ZNF407: variants seen among roughly 807,000 people sequenced by gnomAD.
ZNF407 encodes the protein zinc finger protein 407.
A neutral mutation model predicts 131.2 loss-of-function variants in ZNF407; 17 were observed. The observed-to-expected ratio is 0.13, with a 90% confidence interval of 0.09 to 0.19. ZNF407 has a LOEUF of 0.19. Ranked by LOEUF, ZNF407 falls within the 10% of genes least tolerant of loss-of-function variation. The probability of loss-of-function intolerance (pLI) is 1.00; values close to 1 mark genes in which losing one functional copy is unlikely to be tolerated. For missense variants in ZNF407, 2,681 were observed against 2,830.6 expected (o/e 0.95, Z 1.20); for synonymous variants, 1,156 against 1,062.0 (o/e 1.09, Z -1.72).
At chr18:74,814,996 A>T in intron 4 of ZNF407, among the ~76,000 whole-genome samples, 1 of 152,006 alleles carries the variant, frequency 6.6e-6, no homozygotes, top group African/African-American at 2.4e-5. Context: ...AAAATTTTAC[A>T]ATGTAAAATT....
At chr18:74,862,585 G>T (rs754047028) in intron 4 of ZNF407, among the ~76,000 whole-genome samples, 1 of 152,108 alleles carries the variant, frequency 6.6e-6, no homozygotes, top group Non-Finnish European at 1.5e-5. Flanking sequence ...GTACTGTATC[G>T]AAGTTATTTA....
chr18:74,628,527 T>A (rs1000932569), intron 1 of ZNF407, among the ~76,000 whole-genome samples: 2 of 152,208 alleles, frequency 1.3e-5, no homozygotes, highest in Non-Finnish European at 2.9e-5. Context: ...CTTGGCATAA[T>A]GTTTCTAAGG....
At chr18:74,638,345 T>A (rs1022894559) in intron 2 of ZNF407, among the ~76,000 whole-genome samples, 4 of 151,956 alleles carry the variant, frequency 2.6e-5, no homozygotes, top group Admixed American at 6.6e-5. Flanking sequence ...TATATCTTGA[T>A]GAGTGAATAA....
chr18:75,020,622 A>C lies in ZNF407; in HGVS notation c.5429-42528A>C, dbSNP rs558901794. ...ATATAAGACTAATATACAAAACTGAAGAGTCTTTCTATATTAGAGCTATAA... is the reference window on the plus strand; with the variant it reads ...ATATAAGACTAATATACAAAACTGACGAGTCTTTCTATATTAGAGCTATAA... On this transcript the variant is annotated intron_variant, in intron 8 of 8. Coordinates refer to ENST00000299687, the MANE Select transcript of ZNF407 (RefSeq NM_017757.3). Among the ~76,000 whole-genome samples, 287 of 152,310 alleles carry C rather than the reference A, an allele frequency of 1.9e-3. 1 individual carries two copies. Among genetic ancestry groups the C allele is most frequent in the African/African-American group, 6.2e-3 (257 of 41,562 alleles).
At chr18:74,814,985 T>C (rs1970248200) in intron 4 of ZNF407, among the ~76,000 whole-genome samples, 1 of 151,878 alleles carries the variant, frequency 6.6e-6, no homozygotes, top group Non-Finnish European at 1.5e-5. Context: ...GTTTACATTA[T>C]AAAATTTTAC....
At chr18:74,700,829 C>G (rs1425885258) in intron 3 of ZNF407, among the ~76,000 whole-genome samples, 2 of 152,012 alleles carry the variant, frequency 1.3e-5, no homozygotes, top group African/African-American at 4.8e-5. Context: ...GTTCTTTTTT[C>G]CATTAAGATT....
rs572136125 is a variant in ZNF407, at chr18:75,046,147, A to AT, written c.5429-17002dup. 2.6e-3 allele frequency among the ~76,000 whole-genome samples: 403 copies of AT among 152,344 alleles called. 1 individual carries two copies. The highest frequency in any genetic ancestry group is 4.5e-3 in the Non-Finnish European group (306 of 68,028). ...ATTAGCCCATTAATTTTTAGTCTGC[A>AT]TAACACAGTCAGCTGCTATATATTG... On this transcript the variant is annotated intron_variant, in intron 8 of 8. Transcript: ENST00000299687.
rs530370400 is a variant in ZNF407 at position 74,794,230 on chromosome 18, A to G, written c.4877+12728A>G. 6.6e-5 allele frequency among the ~76,000 whole-genome samples: 10 copies of G among 151,950 alleles called. No homozygotes were observed. The South Asian group carries it at 2.1e-3, about 32-fold the overall frequency. On this transcript the variant is annotated intron_variant, in intron 4 of 8. Coordinates refer to ENST00000299687, the MANE Select transcript of ZNF407 (RefSeq NM_017757.3). Reference sequence around the variant, plus strand: ...ATGATGTCAGCGTCTTCACGTGTGTATTTTTCCGGCCAACTCCATCATCTG... The same window carrying G: ...ATGATGTCAGCGTCTTCACGTGTGTGTTTTTCCGGCCAACTCCATCATCTG...
intron 8 of ZNF407, among the ~76,000 whole-genome samples, chr18:75,023,121 C>G (rs1278660661): frequency 2.0e-5 from 3 of 151,984 alleles, no homozygotes; most frequent in Non-Finnish European, 4.4e-5. Context: ...CAAGTGAGAA[C>G]TGAACAATGA....
intron 4 of ZNF407, among the ~76,000 whole-genome samples, chr18:74,863,856 C>G (rs1970972785): frequency 6.6e-6 from 1 of 152,168 alleles, no homozygotes; most frequent in African/African-American, 2.4e-5. Flanking sequence ...ATTCCACCAC[C>G]TTTGCATATC....
intron 1 of ZNF407, among the ~76,000 whole-genome samples, chr18:74,611,291 A>T (rs1216546442): frequency 1.3e-5 from 2 of 152,222 alleles, no homozygotes; most frequent in African/African-American, 4.8e-5. Flanking sequence ...GTTTGACAAC[A>T]CTAATGTTGA....
At chr18:74,942,568 T>A (rs1972111663) in intron 8 of ZNF407, among the ~76,000 whole-genome samples, 1 of 152,240 alleles carries the variant, frequency 6.6e-6, no homozygotes, top group African/African-American at 2.4e-5. Context: ...GTTTAACATT[T>A]TAAAGATGTT....
chr18:74,794,882 A>G (rs538246567), intron 4 of ZNF407, among the ~76,000 whole-genome samples: 5 of 152,174 alleles, frequency 3.3e-5, no homozygotes, highest in Non-Finnish European at 7.4e-5. Flanking sequence ...AACTTAATGT[A>G]TTTATGAAAG....
chr18:74,774,416 A>G lies in ZNF407; in HGVS notation c.4803-7012A>G, dbSNP rs148550692. Among the ~76,000 whole-genome samples the G allele has an allele frequency of 9.0e-3, 1,368 of 152,342 alleles. 22 individuals carry two copies. The highest frequency in any genetic ancestry group is 0.03 in the African/African-American group (1,255 of 41,574). On this transcript the variant is annotated intron_variant, in intron 3 of 8. Coordinates refer to ENST00000299687, the MANE Select transcript of ZNF407 (RefSeq NM_017757.3). ...TATCACCTACAGATTACTTAATTAC[A>G]AATGGCAAGTAAGTATTTATATTGA...
intron 4 of ZNF407, among the ~76,000 whole-genome samples, chr18:74,812,313 G>A (rs74531965): frequency 0.061 from 9,323 of 152,198 alleles, 405 homozygotes; most frequent in Non-Finnish European, 0.087. Flanking sequence ...ATAATACATA[G>A]CACACAAACT....
intron 8 of ZNF407, among the ~76,000 whole-genome samples, chr18:74,974,626 A>C (rs1164226015): frequency 6.6e-6 from 1 of 152,230 alleles, no homozygotes; most frequent in African/African-American, 2.4e-5. Context: ...AAAACTACCA[A>C]TGATGAAGTA....
At chr18:74,861,875 A>C (rs1341762941) in intron 4 of ZNF407, among the ~76,000 whole-genome samples, 1 of 152,224 alleles carries the variant, frequency 6.6e-6, no homozygotes, top group East Asian at 1.9e-4. Flanking sequence ...TCTGTAAATT[A>C]AATCCTACTC....
chr18:74,974,267 C>G (rs1178463181), intron 8 of ZNF407, among the ~76,000 whole-genome samples: 2 of 152,168 alleles, frequency 1.3e-5, no homozygotes, highest in African/African-American at 4.8e-5. Flanking sequence ...CTTGCTGCTG[C>G]TTAAATTCTT....
chr18:74,805,470 T>TCG (rs1970095198), intron 4 of ZNF407, among the ~76,000 whole-genome samples: 1 of 152,262 alleles, frequency 6.6e-6, no homozygotes. Flanking sequence ...CAATGCAAAT[T>TCG]GTCTAGTAGC....
Sources: allele counts gnomAD v4.1 joint callset (sites outside exome capture counted in the v4.1 genomes callset), GRCh38; gene constraint gnomAD v4.1.1; transcripts MANE v1.5; gene names NCBI Gene and HGNC (gene_info 2026-07-23, HGNC 2026-07-21).